Variants in RALYL observed in about 807,000 individuals in gnomAD.
RALYL encodes the protein RALY RNA binding protein like.
In RALYL, 29 loss-of-function variants were observed where a neutral mutation model predicts 35.1. That is an observed-to-expected ratio of 0.83 (90% CI 0.61 to 1.13). The LOEUF (loss-of-function observed/expected upper bound fraction) is 1.13, where lower values mean the gene tolerates loss of function less well. Ranked by LOEUF, RALYL falls within the 50% of genes most tolerant of loss-of-function variation. RALYL has a pLI of 0.00. For synonymous variants in RALYL, 120 were observed against 127.6 expected (o/e 0.94, Z 0.40); for missense variants, 359 against 360.4 (o/e 1.00, Z 0.03).
At chr8:84,807,338 G>A (rs572820057) in intron 4 of RALYL, among the ~76,000 whole-genome samples, 94 of 152,120 alleles carry the variant, frequency 6.2e-4, no homozygotes, top group Non-Finnish European at 1.1e-3. Flanking sequence ...TGCAAACGCC[G>A]TTAATTTGTT....
chr8:84,279,309 A>G (rs1836060804), intron 1 of RALYL, among the ~76,000 whole-genome samples: 2 of 152,210 alleles, frequency 1.3e-5, no homozygotes. Context: ...GCCGAACCAT[A>G]TCACTTACTA....
At chr8:84,252,776 G>A (rs188610719) in intron 1 of RALYL, among the ~76,000 whole-genome samples, 1 of 152,114 alleles carries the variant, frequency 6.6e-6, no homozygotes, top group Admixed American at 6.6e-5. Context: ...ACTGTTGATG[G>A]TTTTTAATTA....
chr8:84,918,817 C>T (rs577631136), intron 8 of RALYL, among the ~76,000 whole-genome samples: 5 of 152,142 alleles, frequency 3.3e-5, no homozygotes, highest in Admixed American at 1.3e-4. Flanking sequence ...GTTAATGAGT[C>T]TTTTGTTTTA....
rs535989926 is a variant in RALYL at position 84,831,128 on chromosome 8, G to A, written c.366-18852G>A. On this transcript the variant is annotated intron_variant, in intron 4 of 8. Transcript: ENST00000521268. ...TCTGTAAATAATAGCCATTACCAAA[G>A]ATGACAATTTTATAGAACATGAGTC... 2.0e-5 allele frequency among the ~76,000 whole-genome samples: 3 copies of A among 152,154 alleles called. No homozygotes were observed. In the East Asian group the frequency reaches 5.8e-4, roughly 29 times the overall value.
rs142263141 is a variant in RALYL, at chr8:84,626,954, C to T, written c.256+97377C>T. On this transcript the variant is annotated intron_variant, in intron 2 of 8. Coordinates refer to ENST00000521268, the MANE Select transcript of RALYL (RefSeq NM_173848.7). ...CACTGACAGACCAGTCAATTAAACC[C>T]CTATTCCAAGGAAAATGTAAAGAAC... Among the ~76,000 whole-genome samples, 245 of 152,190 alleles carry T rather than the reference C, an allele frequency of 1.6e-3. 2 individuals are homozygous for T. Among genetic ancestry groups the T allele is most frequent in the African/African-American group, 5.2e-3 (217 of 41,530 alleles).
intron 1 of RALYL, among the ~76,000 whole-genome samples, chr8:84,507,982 A>G (rs1029411890): frequency 6.6e-6 from 1 of 152,174 alleles, no homozygotes; most frequent in African/African-American, 2.4e-5. Flanking sequence ...CTAAGCGTCT[A>G]TGTCAAAGAA....
intron 1 of RALYL, among the ~76,000 whole-genome samples, chr8:84,213,597 G>A (rs1269674876): frequency 6.6e-6 from 1 of 152,126 alleles, no homozygotes; most frequent in African/African-American, 2.4e-5. Context: ...AATTGTGTGT[G>A]TGTATATATG....
intron 6 of RALYL, 61 bp downstream of exon 6, chr8:84,862,514 C>A: frequency 2.3e-6 from 3 of 1,287,744 alleles, no homozygotes; most frequent in Admixed American, 2.8e-5. Context: ...TATCATTGCA[C>A]GAATGCCTAT....
Position 84,577,192 on chromosome 8 carries a change from G to T in RALYL, c.256+47615G>T, listed in dbSNP as rs552991269. Among the ~76,000 whole-genome samples the T allele has an allele frequency of 2.2e-3, 329 of 152,332 alleles. 2 individuals are homozygous for T. The highest frequency in any genetic ancestry group is 7.7e-3 in the African/African-American group (320 of 41,576). On this transcript the variant is annotated intron_variant, in intron 2 of 8. Transcript: ENST00000521268. ...TAATTACGCACTTCCTTGAGGGAAGGAAACAGTCAATCTCACAGTTTTTAG... is the reference window on the plus strand; with the variant it reads ...TAATTACGCACTTCCTTGAGGGAAGTAAACAGTCAATCTCACAGTTTTTAG...
chr8:84,853,690 A>G (rs1339854120), intron 5 of RALYL, among the ~76,000 whole-genome samples: 1 of 152,194 alleles, frequency 6.6e-6, no homozygotes, highest in Admixed American at 6.5e-5. Flanking sequence ...ATCTGCCACT[A>G]GTGGATATAC....
At chr8:84,680,708 TC>T (rs2131973159) in intron 2 of RALYL, among the ~76,000 whole-genome samples, 1 of 152,324 alleles carries the variant, frequency 6.6e-6, no homozygotes, top group African/African-American at 2.4e-5. Flanking sequence ...TTGTTTTTTT[TC>T]TTGTAAATTT....
At chr8:84,370,881 C>CA (rs1332262407) in intron 1 of RALYL, among the ~76,000 whole-genome samples, 1 of 151,842 alleles carries the variant, frequency 6.6e-6, no homozygotes, top group Non-Finnish European at 1.5e-5. Flanking sequence ...TGCAAAATTG[C>CA]ATTGTTCCAG....
chr8:84,750,636 A>G (rs1279356759), intron 2 of RALYL, among the ~76,000 whole-genome samples: 1 of 152,184 alleles, frequency 6.6e-6, no homozygotes, highest in Non-Finnish European at 1.5e-5. Flanking sequence ...GAATGGACTA[A>G]TTTATTCGTA....
intron 1 of RALYL, among the ~76,000 whole-genome samples, chr8:84,437,192 C>G (rs1221760971): frequency 6.6e-6 from 1 of 152,070 alleles, no homozygotes; most frequent in East Asian, 1.9e-4. Context: ...CTGCAAAGGA[C>G]GTGATTTCAT....
intron 4 of RALYL, among the ~76,000 whole-genome samples, chr8:84,838,409 G>T (rs1397240609): frequency 6.6e-6 from 1 of 152,126 alleles, no homozygotes; most frequent in East Asian, 1.9e-4. Context: ...GTGATCTTTG[G>T]ATCTCTTTGA....
rs781283706 is a variant in RALYL, at chr8:84,920,946, G to A, written c.*35G>A. Reference sequence around the variant, plus strand: ...ACGCATGATGCCACAAAGCAGAAAAGAGAAACTGTGACAACCCCCAGAAAT... The same window carrying A: ...ACGCATGATGCCACAAAGCAGAAAAAAGAAACTGTGACAACCCCCAGAAAT... On this transcript the variant is annotated 3_prime_UTR_variant, in exon 9 of 9. Coordinates refer to ENST00000521268, the MANE Select transcript of RALYL (RefSeq NM_173848.7). 3.7e-6 allele frequency: 5 copies of A among 1,356,666 alleles called. No individual in the cohort carries two copies. In the East Asian group the frequency reaches 1.1e-4, roughly 29 times the overall value. 84.0% of individuals were successfully genotyped at this position (1,356,666 alleles called of 1,614,324 possible).
rs774560432 is a variant in RALYL at position 84,809,449 on chromosome 8, T to C, written c.365+4647T>C. Among the ~76,000 whole-genome samples, 90 of 152,138 alleles carry C rather than the reference T, an allele frequency of 5.9e-4. 1 individual carries two copies. Among genetic ancestry groups the C allele is most frequent in the Non-Finnish European group, 3.1e-4 (21 of 67,994 alleles). ...GATATTGGTCTGTAGTTTTCTTTTTTGGTTATGTCCTTTCCTGGTTTTGGT... is the reference window on the plus strand; with the variant it reads ...GATATTGGTCTGTAGTTTTCTTTTTCGGTTATGTCCTTTCCTGGTTTTGGT... On this transcript the variant is annotated intron_variant, in intron 4 of 8. Coordinates refer to ENST00000521268, the MANE Select transcript of RALYL (RefSeq NM_173848.7).
chr8:84,750,325 C>A (rs1405778351), intron 2 of RALYL, among the ~76,000 whole-genome samples: 1 of 152,158 alleles, frequency 6.6e-6, no homozygotes, highest in East Asian at 1.9e-4. Flanking sequence ...AAGATAGAAA[C>A]TACCTTTACA....
At chr8:84,701,765 G>A (rs955705922) in intron 2 of RALYL, among the ~76,000 whole-genome samples, 5 of 152,096 alleles carry the variant, frequency 3.3e-5, no homozygotes, top group East Asian at 3.9e-4. Context: ...TGTCCCTGCC[G>A]GGAAGCCAGA....
Sources: allele counts gnomAD v4.1 joint callset (sites outside exome capture counted in the v4.1 genomes callset), GRCh38; gene constraint gnomAD v4.1.1; transcripts MANE v1.5; gene names NCBI Gene and HGNC (gene_info 2026-07-23, HGNC 2026-07-21).